Variants in DENND2A observed in about 807,000 individuals in gnomAD.
DENND2A encodes DENN domain-containing protein 2A.
In DENND2A, 53 loss-of-function variants were observed where a neutral mutation model predicts 105.3. The ratio of observed to expected loss-of-function variants is 0.50; its 90% CI spans 0.40 to 0.63. The LOEUF is 0.63. Among genes scored for constraint, DENND2A ranks in the 30% least tolerant of loss-of-function variants. The pLI is 0.00. For missense variants in DENND2A, 1,138 were observed against 1,279.6 expected (o/e 0.89, Z 1.69); for synonymous variants, 522 against 508.4 (o/e 1.03, Z -0.36).
intron 18 of DENND2A, among the ~76,000 whole-genome samples, chr7:140,520,149 C>CA (rs906039717): frequency 1.2e-4 from 18 of 151,838 alleles, no homozygotes; most frequent in African/African-American, 3.4e-4. Flanking sequence ...ACTGAAAATA[C>CA]AAAAAAATTA....
In DENND2A at chr7:140,629,478, A is replaced by G. The variant is rs530693184; in HGVS notation, c.-248+11026T>C. Among the ~76,000 whole-genome samples the G allele has an allele frequency of 3.9e-5, 6 of 152,276 alleles. No homozygotes were observed. In the South Asian group the frequency reaches 1.2e-3, roughly 32 times the overall value. On this transcript the variant is annotated intron_variant, in intron 1 of 19. Transcript: ENST00000496613. ...GACCGCCTGCTAGGACAGGAGCACCAGGACTCACGTGGGAGCCAGGGAGAA... is the reference window on the plus strand; with the variant it reads ...GACCGCCTGCTAGGACAGGAGCACCGGGACTCACGTGGGAGCCAGGGAGAA...
intron 12 of DENND2A, among the ~76,000 whole-genome samples, chr7:140,554,558 C>G (rs1385617299): frequency 6.6e-6 from 1 of 152,152 alleles, no homozygotes; most frequent in Non-Finnish European, 1.5e-5. Flanking sequence ...ATCGCTTGAA[C>G]CCGGGAGGTG....
intron 1 of DENND2A, among the ~76,000 whole-genome samples, chr7:140,616,947 AC>A (rs1038382733): frequency 6.6e-5 from 10 of 151,946 alleles, no homozygotes; most frequent in Non-Finnish European, 1.3e-4. Context: ...AACCTCTGCC[AC>A]CCGGGTTCAA....
Position 140,567,077 on chromosome 7 carries a change from C to T in DENND2A, c.1779+9G>A, listed in dbSNP as rs73502154. 7.0e-3 allele frequency: 10,993 copies of T among 1,571,600 alleles called. 646 individuals are homozygous for T. The African/African-American group carries it at 0.13, about 18-fold the overall frequency. ...CTGGCAGGCCACAGGGACCTGGCCA[C>T]CCTGTTACCTTCAGAGGGAACTGTT... On this transcript the variant is annotated intron_variant, in intron 9 of 19. Coordinates refer to ENST00000496613, the MANE Select transcript of DENND2A (RefSeq NM_015689.5).
Position 140,531,169 on chromosome 7 carries a change from C to T in DENND2A, c.2328-3674G>A, listed in dbSNP as rs139333859. ...ATTCCTCACCATTTATGTTTTAGTT[C>T]CTTGATCTATAAACCACTGAATGTA... On this transcript the variant is annotated intron_variant, in intron 14 of 19. Transcript: ENST00000496613. Among the ~76,000 whole-genome samples the T allele has an allele frequency of 4.5e-3, 689 of 152,324 alleles. 1 individual carries two copies. The highest frequency in any genetic ancestry group is 7.4e-3 in the Non-Finnish European group (505 of 68,034).
At chr7:140,566,016 C>T (rs1797820471) in intron 9 of DENND2A, among the ~76,000 whole-genome samples, 1 of 152,130 alleles carries the variant, frequency 6.6e-6, no homozygotes, top group Non-Finnish European at 1.5e-5. Context: ...CAAGAAATAA[C>T]CACAAAAATG....
intron 12 of DENND2A, among the ~76,000 whole-genome samples, chr7:140,553,726 C>G (rs1476159989): frequency 1.3e-5 from 2 of 152,228 alleles, no homozygotes; most frequent in African/African-American, 4.8e-5. Context: ...CTTCAAGCAT[C>G]TGTTTAACAA....
At chr7:140,554,724 A>G (rs73491542) in intron 12 of DENND2A, among the ~76,000 whole-genome samples, 2,052 of 152,294 alleles carry the variant, frequency 0.013, 43 homozygotes, top group African/African-American at 0.047. Context: ...TGAGATCAGC[A>G]TCATATAGGA....
chr7:140,617,540 A>G (rs912050594), intron 1 of DENND2A, among the ~76,000 whole-genome samples: 6 of 152,062 alleles, frequency 3.9e-5, no homozygotes, highest in Non-Finnish European at 8.8e-5. Context: ...AACATGGTGA[A>G]ACCGTCTCTA....
chr7:140,555,386 G>A (rs543083530), intron 12 of DENND2A, among the ~76,000 whole-genome samples: 2 of 151,884 alleles, frequency 1.3e-5, no homozygotes, highest in East Asian at 1.9e-4. Flanking sequence ...TGATCCGCCC[G>A]CCTCAGACTC....
rs185526072 is a variant in DENND2A at position 140,518,604 on chromosome 7, C to T, written c.*103G>A. The stretch of plus-strand genomic sequence containing the variant: ...CAGAAGCCACCGCGGCCTCCAGTTC[C>T]GCACCGTGACAACCTGGGACCCAGC... On this transcript the variant is annotated 3_prime_UTR_variant, in exon 20 of 20. Coordinates refer to ENST00000496613, the MANE Select transcript of DENND2A (RefSeq NM_015689.5). 1.3e-4 allele frequency: 171 copies of T among 1,312,576 alleles called. No homozygotes were observed. The highest frequency in any genetic ancestry group is 5.6e-4 in the Middle Eastern group (3 of 5,402). 81.3% of individuals were successfully genotyped at this position (1,312,576 alleles called of 1,614,324 possible).
At chr7:140,610,584 A>G (rs1451966478) in intron 1 of DENND2A, among the ~76,000 whole-genome samples, 3 of 152,092 alleles carry the variant, frequency 2.0e-5, no homozygotes, top group Non-Finnish European at 4.4e-5. Context: ...CTCTGAACAC[A>G]CTGTTTTTTG....
chr7:140,567,324 G>A (rs1313886146), intron 8 of DENND2A, 51 bp from the exon 9 acceptor site: 3 of 1,415,250 alleles, frequency 2.1e-6, no homozygotes, highest in Non-Finnish European at 2.8e-6. Flanking sequence ...GAGAGAGAGA[G>A]AGAGAGAGAG....
intron 3 of DENND2A, among the ~76,000 whole-genome samples, chr7:140,600,997 A>G (rs1231056282): frequency 6.6e-6 from 1 of 152,196 alleles, no homozygotes; most frequent in Admixed American, 6.5e-5. Flanking sequence ...GGTCACATAG[A>G]TAGACACTGA....
intron 6 of DENND2A, 90 bp downstream of exon 6, chr7:140,573,718 G>T: frequency 7.1e-7 from 1 of 1,407,106 alleles, no homozygotes; most frequent in Non-Finnish European, 9.8e-7. Context: ...AGGGGCCAGT[G>T]ATGTATTCTC....
chr7:140,544,883 G>T, intron 13 of DENND2A, 117 bp from the exon 14 acceptor site: 3 of 1,475,268 alleles, frequency 2.0e-6, no homozygotes, highest in East Asian at 2.5e-5. Context: ...ACTGGTGGGG[G>T]AAAAGGGAAA....
chr7:140,552,812 C>T (rs1196359299), intron 12 of DENND2A, among the ~76,000 whole-genome samples: 2 of 152,100 alleles, frequency 1.3e-5, no homozygotes, highest in African/African-American at 4.8e-5. Context: ...CTCAAGTGAT[C>T]TACTGGCCTC....
At position 140,602,316 on chromosome 7, in the gene DENND2A, C is replaced by T. The variant is rs1799545200; in HGVS notation, c.82G>A (p.Val28Ile). 1 of 1,603,904 alleles carries T rather than the reference C, an allele frequency of 6.2e-7. No homozygotes were observed. Among genetic ancestry groups the T allele is most frequent in the South Asian group, 1.1e-5 (1 of 91,054 alleles). ...SRAGKKQLRG[V>I]QNPCPSARAR... Reference sequence around the variant, plus strand: ...CTGGCAGATGGGCAAGGGTTCTGAACACCTCTGAGCTGCTTCTTCCCAGCC... The same window carrying T: ...CTGGCAGATGGGCAAGGGTTCTGAATACCTCTGAGCTGCTTCTTCCCAGCC... Residue 28 changes from valine to isoleucine, a missense_variant, in exon 3 of 20, where the codon GTT (valine) becomes ATT (isoleucine). By Grantham distance (29) the Val-to-Ile change is conservative (BLOSUM62 3). Coordinates refer to ENST00000496613, the MANE Select transcript of DENND2A (RefSeq NM_015689.5).
chr7:140,527,642 A>G lies in DENND2A; in HGVS notation c.2328-147T>C. Reference sequence around the variant, plus strand: ...CGGTGGAGCACATGATGGTCTCAGCACAGGCCACACCAGGCACTTAGAGCC... The same window carrying G: ...CGGTGGAGCACATGATGGTCTCAGCGCAGGCCACACCAGGCACTTAGAGCC... On this transcript the variant is annotated intron_variant, in intron 14 of 19. Coordinates refer to ENST00000496613, the MANE Select transcript of DENND2A (RefSeq NM_015689.5). This position sits in a 1 kb window ranked among gnomAD's most constrained non-coding sequence, Gnocchi z 4.9. The G allele has an allele frequency of 1.2e-6, 1 of 838,866 alleles. No individual in the cohort carries two copies. The highest frequency in any genetic ancestry group is 1.8e-6 in the Non-Finnish European group (1 of 555,834). 52.0% of individuals were successfully genotyped at this position (838,866 alleles called of 1,614,324 possible).
Sources: allele counts gnomAD v4.1 joint callset (sites outside exome capture counted in the v4.1 genomes callset), GRCh38; gene constraint gnomAD v4.1.1; non-coding constraint Gnocchi (gnomAD v3.1); transcripts MANE v1.5; gene names NCBI Gene and HGNC (gene_info 2026-07-23, HGNC 2026-07-21).